Variants in ASTN2 observed in about 807,000 individuals in gnomAD.
The protein encoded by ASTN2 is astrotactin 2.
ASTN2 carries 54 observed loss-of-function variants against 139.8 expected under a neutral mutation model. The ratio of observed to expected loss-of-function variants is 0.39; its 90% confidence interval spans 0.31 to 0.48. The LOEUF (loss-of-function observed/expected upper bound fraction) is 0.48. Ranked by LOEUF, ASTN2 falls within the 20% of genes least tolerant of loss-of-function variation. The probability of loss-of-function intolerance (pLI) is 0.95; values close to 1 mark genes in which losing one functional copy is unlikely to be tolerated. For synonymous variants in ASTN2, 756 were observed against 719.5 expected (o/e 1.05, Z -0.81); for missense variants, 1,565 against 1,725.1 (o/e 0.91, Z 1.64).
At chr9:116,541,157 G>A (rs1851862966) in intron 19 of ASTN2, among the ~76,000 whole-genome samples, 2 of 152,010 alleles carry the variant, frequency 1.3e-5, no homozygotes, top group African/African-American at 4.8e-5. Flanking sequence ...TAATAAATGT[G>A]TCATACTCTT....
At chr9:116,491,196 T>C (rs1849508341) in intron 19 of ASTN2, among the ~76,000 whole-genome samples, 1 of 152,218 alleles carries the variant, frequency 6.6e-6, no homozygotes, top group South Asian at 2.1e-4. Context: ...AATATAATCA[T>C]CTTCAAATGA....
chr9:116,537,041 A>T (rs1422199176), intron 19 of ASTN2, among the ~76,000 whole-genome samples: 1 of 152,094 alleles, frequency 6.6e-6, no homozygotes, highest in Non-Finnish European at 1.5e-5. Flanking sequence ...TTACCTACTC[A>T]AGCCTCAGCA....
intron 7 of ASTN2, among the ~76,000 whole-genome samples, chr9:116,992,060 C>T (rs1250276804): frequency 6.6e-6 from 1 of 152,232 alleles, no homozygotes; most frequent in African/African-American, 2.4e-5. Flanking sequence ...ACCAGCACCA[C>T]CTTCACATGT....
At chr9:116,837,232 C>G (rs1196397781) in intron 11 of ASTN2, among the ~76,000 whole-genome samples, 2 of 152,136 alleles carry the variant, frequency 1.3e-5, no homozygotes, top group African/African-American at 4.8e-5. Flanking sequence ...AATAAGGACT[C>G]TAGCATGTGG....
At chr9:117,059,509 A>G (rs970429847) in intron 5 of ASTN2, among the ~76,000 whole-genome samples, 4 of 152,056 alleles carry the variant, frequency 2.6e-5, no homozygotes, top group Non-Finnish European at 5.9e-5. Context: ...GCTACTAAGT[A>G]GGCTGAGGCA....
chr9:116,913,857 C>T (rs181144823), intron 10 of ASTN2, among the ~76,000 whole-genome samples: 6 of 151,664 alleles, frequency 4.0e-5, no homozygotes, highest in African/African-American at 7.3e-5. Flanking sequence ...TCTGTTCAGT[C>T]CTCATGGAAA....
At chr9:117,254,765 C>T (rs547686391) in intron 2 of ASTN2, among the ~76,000 whole-genome samples, 1 of 152,130 alleles carries the variant, frequency 6.6e-6, no homozygotes, top group South Asian at 2.1e-4. Flanking sequence ...TATTTTGGTA[C>T]ATTCTGTTCC....
chr9:116,747,897 A>G (rs537816687), intron 13 of ASTN2, among the ~76,000 whole-genome samples: 2 of 152,278 alleles, frequency 1.3e-5, no homozygotes, highest in South Asian at 4.1e-4. Context: ...GATCCCTGAA[A>G]TTGAAAGAAA....
intron 13 of ASTN2, among the ~76,000 whole-genome samples, chr9:116,776,467 A>G (rs1199195761): frequency 6.6e-6 from 1 of 152,228 alleles, no homozygotes; most frequent in Admixed American, 6.5e-5. Context: ...CAGAGAAGCC[A>G]GAATTGCAAT....
rs1286270108 is a variant in ASTN2, at chr9:116,426,487, A to G, written c.3783-399T>C. Among the ~76,000 whole-genome samples, 5 of 152,180 alleles carry G rather than the reference A, an allele frequency of 3.3e-5. No individual in the cohort carries two copies. In the East Asian group the frequency reaches 7.7e-4, roughly 23 times the overall value. Reference sequence around the variant, plus strand: ...ATTTTACATATATTTTACATTTTTTATTTAGCCTTTATAACTATCCTGAAT... The same window carrying G: ...ATTTTACATATATTTTACATTTTTTGTTTAGCCTTTATAACTATCCTGAAT... On this transcript the variant is annotated intron_variant, in intron 22 of 22. Coordinates refer to ENST00000313400, the MANE Select transcript of ASTN2 (RefSeq NM_001365068.1).
chr9:116,546,303 A>T (rs1270060513), intron 19 of ASTN2, among the ~76,000 whole-genome samples: 1 of 152,176 alleles, frequency 6.6e-6, no homozygotes, highest in African/African-American at 2.4e-5. Flanking sequence ...CAGCATTTAC[A>T]CTGCCAGTAT....
At chr9:117,176,938 T>A (rs1830932934) in intron 3 of ASTN2, among the ~76,000 whole-genome samples, 1 of 152,152 alleles carries the variant, frequency 6.6e-6, no homozygotes, top group South Asian at 2.1e-4. Flanking sequence ...AAATAAAGAA[T>A]TAATACATAC....
chr9:116,661,537 G>A (rs898323441), intron 16 of ASTN2, among the ~76,000 whole-genome samples: 2 of 152,116 alleles, frequency 1.3e-5, no homozygotes, highest in Non-Finnish European at 2.9e-5. Flanking sequence ...GAGACCTGAT[G>A]GGACGTATTG....
intron 11 of ASTN2, among the ~76,000 whole-genome samples, chr9:116,831,505 A>C (rs1045576870): frequency 6.6e-6 from 1 of 152,222 alleles, no homozygotes; most frequent in Non-Finnish European, 1.5e-5. Context: ...AAAATGTAGT[A>C]GTAAACAAGA....
intron 19 of ASTN2, chr9:116,547,481 T>C (rs1852148333): frequency 6.6e-6 from 1 of 152,196 alleles, no homozygotes; most frequent in Non-Finnish European, 1.5e-5. Context: ...GCTAAGAGGC[T>C]GAACTTTGGA....
At chr9:116,884,704 C>T (rs1198762213) in intron 10 of ASTN2, among the ~76,000 whole-genome samples, 2 of 151,696 alleles carry the variant, frequency 1.3e-5, no homozygotes, top group Non-Finnish European at 2.9e-5. Flanking sequence ...AGTTTGCTAG[C>T]CATCTTTGGC....
chr9:116,855,281 A>G (rs995749152), intron 11 of ASTN2, among the ~76,000 whole-genome samples: 3 of 151,762 alleles, frequency 2.0e-5, no homozygotes, highest in Non-Finnish European at 4.4e-5. Flanking sequence ...AAATTCATAA[A>G]GGAAAGATGC....
In ASTN2 at chr9:116,725,923, G is replaced by T; in HGVS notation, c.2654C>A (p.Thr885Asn). The T allele has an allele frequency of 6.2e-7, 1 of 1,613,624 alleles. No individual in the cohort carries two copies. Residue 885 changes from threonine (T) to asparagine (N), a missense_variant, in exon 16 of 23, where the codon ACC becomes AAC. Coordinates refer to ENST00000313400, the MANE Select transcript of ASTN2 (RefSeq NM_001365068.1). Reference sequence around the variant, plus strand: ...CAGCTCCTCCCGACTGCTCTCCTTGGTCAGGATCTTGAGAACATTAGTGAA... The same window carrying T: ...CAGCTCCTCCCGACTGCTCTCCTTGTTCAGGATCTTGAGAACATTAGTGAA... Reference protein sequence around the residue: ...AGFTNVLKILTKESSREELLS... With the variant: ...AGFTNVLKILNKESSREELLS...
intron 13 of ASTN2, among the ~76,000 whole-genome samples, chr9:116,786,056 G>A (rs368820718): frequency 2.1e-4 from 32 of 151,864 alleles, no homozygotes; most frequent in African/African-American, 5.8e-4. Flanking sequence ...TACTTGCCCC[G>A]CCTCCTTCCC....
Sources: gnomAD v4.1 joint callset for allele counts (sites outside exome capture counted in the v4.1 genomes callset) on GRCh38, gnomAD v4.1.1 for gene constraint, MANE v1.5 for transcripts, NCBI Gene and HGNC (gene_info 2026-07-23, HGNC 2026-07-21) for gene names.